Variants in AOC1 observed in about 807,000 individuals in gnomAD.
AOC1 encodes diamine oxidase [copper-containing].
AOC1 carries 58 observed loss-of-function variants against 57.1 expected under a neutral mutation model. The ratio of observed to expected loss-of-function variants is 1.02; its 90% CI spans 0.82 to 1.26. AOC1 has a LOEUF of 1.26. Among genes scored for constraint, AOC1 ranks in the 50% most tolerant of loss-of-function variants. The probability of loss-of-function intolerance (pLI) is 0.00; values close to 1 mark genes in which losing one functional copy is unlikely to be tolerated. For synonymous variants in AOC1, 401 were observed against 423.4 expected, an observed-to-expected ratio of 0.95 and a Z score of 0.65; for missense variants, 917 against 1,005.3, an observed-to-expected ratio of 0.91 and a Z score of 1.19.
In AOC1 at chr7:150,856,951, C is replaced by G; in HGVS notation, c.481C>G (p.Pro161Ala). The G allele has an allele frequency of 6.2e-7, 1 of 1,614,168 alleles. No homozygotes were observed. The highest frequency in any genetic ancestry group is 8.5e-7 in the Non-Finnish European group (1 of 1,179,992). ...LYHTLQEATK[P>A]LHQFFLNTTG... ...CCACACCCTGCAGGAAGCCACCAAG[C>G]CCCTGCATCAGTTCTTCCTCAATAC... Residue 161 changes from proline to alanine, a missense_variant, in exon 2 of 5, where the codon CCC (proline) becomes GCC (alanine). Physicochemically the swap from Pro to Ala is conservative, Grantham distance 27. Transcript: ENST00000360937. This position sits in a 1 kb window ranked among gnomAD's most constrained non-coding sequence, Gnocchi z 5.2.
chr7:150,854,062 G>A (rs952831222), intron 1 of AOC1: 2 of 152,140 alleles, frequency 1.3e-5, no homozygotes, highest in Admixed American at 6.5e-5. Context: ...AAAAAAAAGA[G>A]GCCTGGCCAA....
At chr7:150,853,646 A>T (rs1799682668) in intron 1 of AOC1, among the ~76,000 whole-genome samples, 1 of 146,284 alleles carries the variant, frequency 6.8e-6, no homozygotes, top group African/African-American at 2.5e-5. Flanking sequence ...CCTGGGCAAC[A>T]TAGTGAGATC....
In AOC1 at chr7:150,857,682, T is replaced by C; in HGVS notation, c.1212T>C (p.Tyr404=). The change falls in exon 2 of 5, where the codon TAT becomes TAC. Residue 404 remains tyrosine, a synonymous_variant. Transcript: ENST00000360937. The surrounding 1 kb of genome is among the most constrained non-coding windows in gnomAD (Gnocchi z 6.6). ...CCTTCCTGGACACTTTCCACTACTA[T>C]GATGCCGATGACCCGGTCCATTATC... is the stretch of plus-strand genomic sequence containing the variant. ...TATFLDTFHY[Y]DADDPVHYPR... is the part of the protein sequence containing the mutation. 1 of 1,614,150 alleles carries C rather than the reference T, an allele frequency of 6.2e-7. No individual in the cohort carries two copies. Among genetic ancestry groups the C allele is most frequent in the South Asian group, 1.1e-5 (1 of 91,080 alleles).
rs1464834170 is a variant in AOC1 at position 150,856,638 on chromosome 7, G to A, written c.168G>A (p.Leu56=). The stretch of plus-strand genomic sequence containing the variant: ...TCTGGTCCAAGAAGGAGCTGAGGCT[G>A]CAGCCCTCCAGTACCACCACCATGG... ...SFLWSKKELR[L]QPSSTTTMAK... is the part of the protein sequence containing the mutation. The change falls in exon 2 of 5, where the codon CTG becomes CTA. Residue 56 remains leucine (L), a synonymous_variant. Coordinates refer to ENST00000360937, the MANE Select transcript of AOC1 (RefSeq NM_001091.4). This position sits in a 1 kb window ranked among gnomAD's most constrained non-coding sequence, Gnocchi z 5.2. 3.1e-6 allele frequency: 5 copies of A among 1,614,028 alleles called. No homozygotes were observed. Among genetic ancestry groups the A allele is most frequent in the Non-Finnish European group, 3.4e-6 (4 of 1,179,988 alleles).
In AOC1 at chr7:150,856,474, C is replaced by T. The variant is rs1799777697; in HGVS notation, c.4C>T (p.Pro2Ser). M[P>S]ALGWAVAAIL... is the part of the protein sequence containing the mutation. The stretch of plus-strand genomic sequence containing the variant: ...TTCCAGAGCCGTGGAGCGAGAGATG[C>T]CGGCCCTGGGCTGGGCCGTGGCTGC... Residue 2 changes from proline (P) to serine (S), a missense_variant, in exon 2 of 5, where the codon CCG becomes TCG. Physicochemically the swap from Pro to Ser is moderately conservative, Grantham distance 74 (BLOSUM62 -1). Coordinates refer to ENST00000360937, the MANE Select transcript of AOC1 (RefSeq NM_001091.4). This position sits in a 1 kb window ranked among gnomAD's most constrained non-coding sequence, Gnocchi z 5.2. 6.2e-7 allele frequency: 1 copy of T among 1,611,014 alleles called. No homozygotes were observed. Among genetic ancestry groups the T allele is most frequent in the East Asian group, 2.2e-5 (1 of 44,832 alleles).
chr7:150,857,444 C>T lies in AOC1; in HGVS notation c.974C>T (p.Ala325Val), dbSNP rs763213160. 3 of 1,611,310 alleles carry T rather than the reference C, an allele frequency of 1.9e-6. No homozygotes were observed. The highest frequency in any genetic ancestry group is 2.2e-5 in the South Asian group (2 of 91,062). The change falls in exon 2 of 5, where the codon GCC (alanine) becomes GTC (valine). Residue 325 changes from alanine to valine, a missense_variant. Physicochemically the swap from Ala to Val is moderately conservative, Grantham distance 64. Transcript: ENST00000360937. The surrounding 1 kb of genome is among the most constrained non-coding windows in gnomAD (Gnocchi z 6.6). ...GTGCTCTACGGCGGCTGGAGCTTTGCCTTCCGGCTGCGCTCCTCCTCCGGG... is the reference window on the plus strand; with the variant it reads ...GTGCTCTACGGCGGCTGGAGCTTTGTCTTCCGGCTGCGCTCCTCCTCCGGG... Reference protein sequence around the residue: ...NAVLYGGWSFAFRLRSSSGLQ... With the variant: ...NAVLYGGWSFVFRLRSSSGLQ...
chr7:150,858,722 G>A (rs45455308), intron 2 of AOC1, 41 bp from the exon 3 acceptor site: 329,115 of 1,551,124 alleles, frequency 0.21, 36,804 homozygotes, highest in Middle Eastern at 0.23. Flanking sequence ...TTCAGTTCTG[G>A]CAGCTTGATT....
rs1323462809 is a variant in AOC1, at chr7:150,857,416, G to A, written c.946G>A (p.Ala316Thr). ...HGPRFRLEGN[A>T]VLYGGWSFAF... Reference sequence around the variant, plus strand: ...CCCTCGCTTCAGGCTGGAGGGCAACGCTGTGCTCTACGGCGGCTGGAGCTT... The same window carrying A: ...CCCTCGCTTCAGGCTGGAGGGCAACACTGTGCTCTACGGCGGCTGGAGCTT... Residue 316 changes from alanine (A) to threonine (T), a missense_variant, in exon 2 of 5, where the codon GCT becomes ACT. Coordinates refer to ENST00000360937, the MANE Select transcript of AOC1 (RefSeq NM_001091.4). The surrounding 1 kb of genome is among the most constrained non-coding windows in gnomAD (Gnocchi z 6.6). 22 of 1,611,888 alleles carry A rather than the reference G, an allele frequency of 1.4e-5. 1 individual carries two copies. Among genetic ancestry groups the A allele is most frequent in the Non-Finnish European group, 1.7e-5 (20 of 1,179,628 alleles).
In AOC1 at chr7:150,857,222, G is replaced by T. The variant is rs200778786; in HGVS notation, c.752G>T (p.Arg251Leu). Residue 251 changes from arginine to leucine, a missense_variant, in exon 2 of 5, where the codon CGG becomes CTG. Coordinates refer to ENST00000360937, the MANE Select transcript of AOC1 (RefSeq NM_001091.4). The surrounding 1 kb of genome is among the most constrained non-coding windows in gnomAD (Gnocchi z 6.6). ...KFYGSPEELA[R>L]KYADGEVDVV... ...TATGGGAGCCCAGAGGAACTGGCTC[G>T]GAAGTATGCAGATGGAGAGGTGGAC... The T allele has an allele frequency of 6.2e-7, 1 of 1,612,746 alleles. No individual in the cohort carries two copies. The highest frequency in any genetic ancestry group is 1.7e-5 in the Admixed American group (1 of 59,934).
In AOC1 at chr7:150,857,173, C is replaced by G. The variant is rs116444806; in HGVS notation, c.703C>G (p.Gln235Glu). The change falls in exon 2 of 5, where the codon CAG (glutamine) becomes GAG (glutamate). Residue 235 changes from glutamine (Q) to glutamate (E), a missense_variant. Transcript: ENST00000360937. This position sits in a 1 kb window ranked among gnomAD's most constrained non-coding sequence, Gnocchi z 6.6. ...AGATGCTGGGCACTGGGCCGTGGAGCAGGTGTGGTACAACGGGAAGTTCTA... is the reference window on the plus strand; with the variant it reads ...AGATGCTGGGCACTGGGCCGTGGAGGAGGTGTGGTACAACGGGAAGTTCTA... ...STDAGHWAVE[Q>E]VWYNGKFYGS... 2,149 of 1,613,702 alleles carry G rather than the reference C, an allele frequency of 1.3e-3. 27 individuals are homozygous for G. In the African/African-American group the frequency reaches 0.024, roughly 18 times the overall value.
Position 150,856,979 on chromosome 7 carries a change from C to A in AOC1, c.509C>A (p.Thr170Lys). ...CTGCATCAGTTCTTCCTCAATACCA[C>A]AGGCTTCTCATTCCAAGACTGCCAT... is the stretch of plus-strand genomic sequence containing the variant. Reference protein sequence around the residue: ...KPLHQFFLNTTGFSFQDCHDR... With the variant: ...KPLHQFFLNTKGFSFQDCHDR... Residue 170 changes from threonine (T) to lysine (K), a missense_variant, in exon 2 of 5, where the codon ACA becomes AAA. Thr to Lys is a moderately conservative substitution (Grantham distance 78). Coordinates refer to ENST00000360937, the MANE Select transcript of AOC1 (RefSeq NM_001091.4). The surrounding 1 kb of genome is among the most constrained non-coding windows in gnomAD (Gnocchi z 5.2). 6.2e-7 allele frequency: 1 copy of A among 1,614,198 alleles called. No individual in the cohort carries two copies. Among genetic ancestry groups the A allele is most frequent in the Non-Finnish European group, 8.5e-7 (1 of 1,180,008 alleles).
At position 150,856,880 on chromosome 7, in the gene AOC1, C is replaced by G; in HGVS notation, c.410C>G (p.Ser137Cys). The G allele has an allele frequency of 1.2e-6, 2 of 1,614,120 alleles. No individual in the cohort carries two copies. The highest frequency in any genetic ancestry group is 1.7e-6 in the Non-Finnish European group (2 of 1,179,986). ...TCCCCCAGGCCTGGGTACCAGTCCT[C>G]CTGGGCATCGAGGCCCATCTCCACA... ...ALSPRPGYQSSWASRPISTAE... is the reference protein window; with the variant it reads ...ALSPRPGYQSCWASRPISTAE... The change falls in exon 2 of 5, where the codon TCC becomes TGC. Residue 137 changes from serine to cysteine, a missense_variant. By Grantham distance (112) the Ser-to-Cys change is moderately radical (BLOSUM62 -1). Transcript: ENST00000360937. This position sits in a 1 kb window ranked among gnomAD's most constrained non-coding sequence, Gnocchi z 5.2.
intron 2 of AOC1, 21 bp from the exon 3 acceptor site, chr7:150,858,742 C>T (rs747969563): frequency 1.3e-6 from 2 of 1,575,934 alleles, no homozygotes; most frequent in Non-Finnish European, 1.7e-6. Flanking sequence ...TCTCGTTCTC[C>T]TTCTCCCTGC....
Position 150,858,027 on chromosome 7 carries a change from C to T in AOC1, c.1557C>T (p.Asp519=). The change falls in exon 2 of 5, where the codon GAC becomes GAT. Residue 519 remains aspartate (D), a synonymous_variant. Coordinates refer to ENST00000360937, the MANE Select transcript of AOC1 (RefSeq NM_001091.4). ...CTCACTTGGTGCACTACCGCGTAGA[C>T]CTGGATGTGGCAGGTAGGACTCAAA... The part of the protein sequence containing the change: ...IHTHLVHYRV[D]LDVAGTKNSF... 6.6e-7 allele frequency: 1 copy of T among 1,519,794 alleles called. No individual in the cohort carries two copies. Among genetic ancestry groups the T allele is most frequent in the Non-Finnish European group, 8.8e-7 (1 of 1,139,360 alleles). The allele number at this position is 1,519,794 out of a possible 1,614,324, so 94.1% of individuals were successfully genotyped here. A position where few individuals can be genotyped will look rare whatever the true frequency, so the allele number is the denominator to read the frequency against.
rs560992275 is a variant in AOC1 at position 150,857,752 on chromosome 7, C to T, written c.1282C>T (p.Arg428Trp). 12 of 1,614,204 alleles carry T rather than the reference C, an allele frequency of 7.4e-6. No individual in the cohort carries two copies. The Admixed American group carries it at 1.0e-4, about 13-fold the overall frequency. Residue 428 changes from arginine to tryptophan, a missense_variant, in exon 2 of 5, where the codon CGG becomes TGG. Coordinates refer to ENST00000360937, the MANE Select transcript of AOC1 (RefSeq NM_001091.4). This position sits in a 1 kb window ranked among gnomAD's most constrained non-coding sequence, Gnocchi z 6.6. Reference sequence around the variant, plus strand: ...TGAAATGCCCACAGGGGTGCCCCTTCGGCGGCACTTTAATTCCAACTTTAA... The same window carrying T: ...TGAAATGCCCACAGGGGTGCCCCTTTGGCGGCACTTTAATTCCAACTTTAA... ...LFEMPTGVPL[R>W]RHFNSNFKGG...
At chr7:150,855,854 C>A (rs1799753439) in intron 1 of AOC1, among the ~76,000 whole-genome samples, 1 of 152,164 alleles carries the variant, frequency 6.6e-6, no homozygotes, top group Non-Finnish European at 1.5e-5. Context: ...GAGCTAAGCA[C>A]TGTTGTCATT....
Position 150,856,565 on chromosome 7 carries a change from T to C in AOC1, c.95T>C (p.Val32Ala). 1.2e-6 allele frequency: 2 copies of C among 1,613,558 alleles called. No individual in the cohort carries two copies. Among genetic ancestry groups the C allele is most frequent in the Non-Finnish European group, 1.7e-6 (2 of 1,179,842 alleles). Residue 32 changes from valine to alanine, a missense_variant, in exon 2 of 5, where the codon GTG becomes GCG. Val to Ala is a moderately conservative substitution (Grantham distance 64). Transcript: ENST00000360937. The surrounding 1 kb of genome is among the most constrained non-coding windows in gnomAD (Gnocchi z 5.2). Reference protein sequence around the residue: ...SPGTLPRKAGVFSDLSNQELK... With the variant: ...SPGTLPRKAGAFSDLSNQELK... The stretch of plus-strand genomic sequence containing the variant: ...GGGACTCTGCCCAGGAAGGCAGGGG[T>C]GTTTTCAGACCTAAGCAACCAAGAG...
In AOC1 at chr7:150,857,509, GC is replaced by G. The variant is rs1427855958; in HGVS notation, c.1041del (p.Tyr348MetfsTer38). On this transcript the variant is annotated frameshift_variant, in exon 2 of 5. Coordinates refer to ENST00000360937, the MANE Select transcript of AOC1 (RefSeq NM_001091.4). LOFTEE classifies it high-confidence loss of function. This position sits in a 1 kb window ranked among gnomAD's most constrained non-coding sequence, Gnocchi z 6.6. ...CGTGCACTTCGGCGGAGAGCGCATTGCCTATGAGGTCAGCGTGCAAGAGGCA... is the reference window on the plus strand; with the variant it reads ...CGTGCACTTCGGCGGAGAGCGCATTGCTATGAGGTCAGCGTGCAAGAGGCA... The part of the protein sequence containing the change: ...LNVHFGGERI[A>X]YEVSVQEAVA... The G allele has an allele frequency of 6.2e-7, 1 of 1,613,924 alleles. No individual in the cohort carries two copies.
rs755117199 is a variant in AOC1 at position 150,856,117 on chromosome 7, T to C, written c.-16-338T>C. 3.9e-5 allele frequency among the ~76,000 whole-genome samples: 6 copies of C among 152,190 alleles called. No homozygotes were observed. Among genetic ancestry groups the C allele is most frequent in the Non-Finnish European group, 5.9e-5 (4 of 68,034 alleles). The stretch of plus-strand genomic sequence containing the variant: ...AGGACACAAGAAGCACCTGGGGGCA[T>C]GTGCAGGGGCCCAGCCTGGCCTCTG... On this transcript the variant is annotated intron_variant, in intron 1 of 4. Transcript: ENST00000360937. The surrounding 1 kb of genome is among the most constrained non-coding windows in gnomAD (Gnocchi z 5.2).
Sources: allele counts gnomAD v4.1 joint callset (sites outside exome capture counted in the v4.1 genomes callset), GRCh38; gene constraint gnomAD v4.1.1; non-coding constraint Gnocchi (gnomAD v3.1); transcripts MANE v1.5; gene names NCBI Gene and HGNC (gene_info 2026-07-23, HGNC 2026-07-21).